Variants in ARV1 observed in about 807,000 individuals in gnomAD.
ARV1 encodes the protein ARV1 fatty acid homeostasis modulator, also known as protein ARV1.
In ARV1, 26 loss-of-function variants were observed where a neutral mutation model predicts 31.1. The observed-to-expected ratio is 0.84, with a 90% CI of 0.61 to 1.16. The LOEUF (loss-of-function observed/expected upper bound fraction) is 1.16, where lower values mean the gene tolerates loss of function less well. Among genes scored for constraint, ARV1 ranks in the 50% most tolerant of loss-of-function variants. The pLI is 0.00. For missense variants in ARV1, 281 were observed against 324.9 expected (o/e 0.86, Z 1.04); for synonymous variants, 117 against 123.2 (o/e 0.95, Z 0.34).
chr1:230,987,776 C>T (rs922379509), intron 1 of ARV1, among the ~76,000 whole-genome samples: 2 of 152,138 alleles, frequency 1.3e-5, no homozygotes, highest in Non-Finnish European at 2.9e-5. Context: ...CCCCTGTTAC[C>T]GGCCACCTCA....
chr1:230,997,535 C>G (rs890436271), intron 5 of ARV1, among the ~76,000 whole-genome samples: 5 of 152,108 alleles, frequency 3.3e-5, no homozygotes, highest in South Asian at 2.1e-4. Flanking sequence ...CACCTCCACT[C>G]CCACCCATTC....
chr1:230,998,131 C>T (rs946795714), intron 5 of ARV1, among the ~76,000 whole-genome samples: 7 of 152,150 alleles, frequency 4.6e-5, no homozygotes, highest in Non-Finnish European at 8.8e-5. Flanking sequence ...TGTTTCTGAC[C>T]TGTGGGTGTT....
At chr1:230,998,470 A>G (rs548214969) in intron 5 of ARV1, among the ~76,000 whole-genome samples, 77 of 152,186 alleles carry the variant, frequency 5.1e-4, no homozygotes, top group Non-Finnish European at 7.8e-4. Context: ...TCTCTCCTGT[A>G]TAGCAGCTCT....
intron 5 of ARV1, among the ~76,000 whole-genome samples, chr1:230,999,329 C>G (rs1022432946): frequency 2.0e-5 from 3 of 152,186 alleles, no homozygotes; most frequent in Non-Finnish European, 2.9e-5. Flanking sequence ...ACACCTCACC[C>G]TCTCCTGCCT....
chr1:230,990,040 T>G, intron 2 of ARV1, 70 bp from the exon 3 acceptor site: 1 of 1,460,338 alleles, frequency 6.8e-7, no homozygotes, highest in East Asian at 2.4e-5. Flanking sequence ...CCACAAATAC[T>G]CTGTACCTGT....
At chr1:230,984,359 T>TGTGTGTGCGCGC (rs71179756) in intron 1 of ARV1, among the ~76,000 whole-genome samples, 51 of 93,448 alleles carry the variant, frequency 5.5e-4, no homozygotes, top group South Asian at 1.4e-3. Context: ...TGTGTGTGTG[T>TGTGTGTGCGCGC]GTGCGTGTGT....
chr1:230,986,940 A>G (rs1679098838), intron 1 of ARV1, among the ~76,000 whole-genome samples: 1 of 152,144 alleles, frequency 6.6e-6, no homozygotes, highest in South Asian at 2.1e-4. Flanking sequence ...ACAGTTGCAC[A>G]GGTAGAAGAT....
At chr1:230,987,743 TTACTGGA>T (rs1679123023) in intron 1 of ARV1, among the ~76,000 whole-genome samples, 1 of 152,160 alleles carries the variant, frequency 6.6e-6, no homozygotes, top group Non-Finnish European at 1.5e-5. Flanking sequence ...ATCCTTGATG[TTACTGGA>T]GAAAAACCCA....
intron 2 of ARV1, among the ~76,000 whole-genome samples, chr1:230,989,349 C>T (rs942809813): frequency 2.6e-5 from 4 of 152,060 alleles, no homozygotes; most frequent in Admixed American, 2.6e-4. Context: ...GTTGACCAGG[C>T]TAGTCTGGAA....
chr1:230,982,156 A>G (rs1162329148), intron 1 of ARV1, among the ~76,000 whole-genome samples: 1 of 152,274 alleles, frequency 6.6e-6, no homozygotes, highest in African/African-American at 2.4e-5. Context: ...ACTGACATTT[A>G]GTAGCCACTC....
intron 3 of ARV1, among the ~76,000 whole-genome samples, chr1:230,991,791 T>C (rs11122185): frequency 0.73 from 111,042 of 151,892 alleles, 41,094 homozygotes; most frequent in African/African-American, 0.85. Context: ...GCCACCATGC[T>C]TAGCTAATTT....
At chr1:230,982,837 C>T (rs957307199) in intron 1 of ARV1, among the ~76,000 whole-genome samples, 2 of 152,150 alleles carry the variant, frequency 1.3e-5, no homozygotes, top group South Asian at 2.1e-4. Context: ...AACATTAGAC[C>T]ATGTGTTGTG....
Position 230,995,766 on chromosome 1 carries a change from C to G in ARV1, c.455C>G (p.Thr152Ser), listed in dbSNP as rs1679343376. 1 of 1,611,162 alleles carries G rather than the reference C, an allele frequency of 6.2e-7. No individual in the cohort carries two copies. The highest frequency in any genetic ancestry group is 1.3e-5 in the African/African-American group (1 of 74,802). Residue 152 changes from threonine (T) to serine (S), a missense_variant, in exon 4 of 6, where the codon ACT becomes AGT. By Grantham distance (58) the Thr-to-Ser change is moderately conservative. Coordinates refer to ENST00000310256, the MANE Select transcript of ARV1 (RefSeq NM_022786.3). ...TTTTCCATTTCTTCTTTAGAACAAA[C>G]TGCCTATTTTATTGGCATTTTTACC... is the stretch of plus-strand genomic sequence containing the variant. Reference protein sequence around the residue: ...RMFAIAALEQTAYFIGIFTFL... With the variant: ...RMFAIAALEQSAYFIGIFTFL...
chr1:230,998,796 A>G (rs1679448080), intron 5 of ARV1, among the ~76,000 whole-genome samples: 2 of 151,644 alleles, frequency 1.3e-5, no homozygotes, highest in South Asian at 4.2e-4. Context: ...CTGTACTCCC[A>G]ACTACTCAGG....
chr1:230,987,688 A>G (rs984646977), intron 1 of ARV1, among the ~76,000 whole-genome samples: 1 of 152,238 alleles, frequency 6.6e-6, no homozygotes, highest in Non-Finnish European at 1.5e-5. Context: ...TACAGACAGT[A>G]GAGTCTGTCT....
intron 4 of ARV1, among the ~76,000 whole-genome samples, chr1:230,996,799 C>T (rs1243907738): frequency 6.6e-6 from 1 of 152,168 alleles, no homozygotes; most frequent in Non-Finnish European, 1.5e-5. Context: ...ATCTTGCAAA[C>T]TGTGACACTG....
intron 1 of ARV1, 161 bp downstream of exon 1, chr1:230,979,440 C>A: frequency 1.2e-6 from 1 of 812,578 alleles, no homozygotes; most frequent in Non-Finnish European, 1.9e-6. Context: ...ACTCAGCTAC[C>A]CGACAGCGCT....
chr1:230,998,443 C>T (rs143758878), intron 5 of ARV1, among the ~76,000 whole-genome samples: 14 of 152,310 alleles, frequency 9.2e-5, no homozygotes, highest in African/African-American at 2.6e-4. Context: ...TCAGACATAT[C>T]GCTGCTTCAT....
chr1:230,993,082 A>C (rs139550684), intron 3 of ARV1, among the ~76,000 whole-genome samples: 1 of 152,132 alleles, frequency 6.6e-6, no homozygotes, highest in Non-Finnish European at 1.5e-5. Context: ...GCCTCTTAAA[A>C]ATTTTTTTTA....
Sources: gnomAD v4.1 joint callset for allele counts (sites outside exome capture counted in the v4.1 genomes callset) on GRCh38, gnomAD v4.1.1 for gene constraint, MANE v1.5 for transcripts, NCBI Gene and HGNC (gene_info 2026-07-23, HGNC 2026-07-21) for gene names.